Variants in DTX1 observed in about 807,000 individuals in gnomAD.
DTX1 encodes deltex E3 ubiquitin ligase 1.
DTX1 carries 26 observed loss-of-function variants against 57.8 expected under a neutral mutation model. The observed-to-expected ratio is 0.45, with a 90% CI of 0.33 to 0.62. DTX1 has a LOEUF of 0.62. Ranked by LOEUF, DTX1 falls within the 20% of genes least tolerant of loss-of-function variation. The pLI is 0.02. For synonymous variants in DTX1, 398 were observed against 394.1 expected (o/e 1.01, Z -0.12); for missense variants, 704 against 895.3 (o/e 0.79, Z 2.73).
At chr12:113,089,168 G>T (rs1256623374) in intron 3 of DTX1, among the ~76,000 whole-genome samples, 2 of 152,184 alleles carry the variant, frequency 1.3e-5, no homozygotes, top group Non-Finnish European at 2.9e-5. Context: ...TGGGGTGGGA[G>T]TGTGCCTGGC....
rs1251293044 is a variant in DTX1 at position 113,093,577 on chromosome 12, G to C, written c.1042G>C (p.Val348Leu). Reference protein sequence around the residue: ...GILLCAAGLPVCLTRAPKPIL... With the variant: ...GILLCAAGLPLCLTRAPKPIL... ...ACTGCTGTGCGCGGCCGGGCTGCCCGTGTGCCTGACGCGGGCCCCCAAGCC... is the reference window on the plus strand; with the variant it reads ...ACTGCTGTGCGCGGCCGGGCTGCCCCTGTGCCTGACGCGGGCCCCCAAGCC... The change falls in exon 5 of 10, where the codon GTG becomes CTG. Residue 348 changes from valine to leucine, a missense_variant. Val to Leu is a conservative substitution (Grantham distance 32, BLOSUM62 1). This residue lies in a region of DTX1 where 299 missense variants were observed against 311.2 expected (regional missense o/e 0.96). Coordinates refer to ENST00000548759, the MANE Select transcript of DTX1 (RefSeq NM_004416.3). The surrounding 1 kb of genome is among the most constrained non-coding windows in gnomAD (Gnocchi z 4.2). 1.9e-6 allele frequency: 3 copies of C among 1,610,818 alleles called. No individual in the cohort carries two copies. Among genetic ancestry groups the C allele is most frequent in the Admixed American group, 3.3e-5 (2 of 59,798 alleles).
chr12:113,077,979 C>T lies in DTX1; in HGVS notation c.815C>T (p.Pro272Leu), dbSNP rs2044785797. 2 of 1,031,732 alleles carry T rather than the reference C, an allele frequency of 1.9e-6. No homozygotes were observed. The highest frequency in any genetic ancestry group is 1.7e-5 in the African/African-American group (1 of 57,782). 63.9% of individuals were successfully genotyped at this position (1,031,732 alleles called of 1,614,324 possible). ...PAAGPAEPAP[P>L]PGAPPRSPGA... ...GCCGGCCCCGCCGAGCCCGCGCCGC[C>T]TCCCGGGGCGCCCCCACGGAGCCCG... is the stretch of plus-strand genomic sequence containing the variant. The change falls in exon 3 of 10, where the codon CCT becomes CTT. Residue 272 changes from proline (P) to leucine (L), a missense_variant. Transcript: ENST00000548759. The surrounding 1 kb of genome is among the most constrained non-coding windows in gnomAD (Gnocchi z 7.8).
Position 113,077,182 on chromosome 12 carries a change from C to G in DTX1, c.260-242C>G, listed in dbSNP as rs994592933. 2.0e-5 allele frequency among the ~76,000 whole-genome samples: 3 copies of G among 152,146 alleles called. No individual in the cohort carries two copies. Among genetic ancestry groups the G allele is most frequent in the African/African-American group, 7.2e-5 (3 of 41,418 alleles). On this transcript the variant is annotated intron_variant, in intron 2 of 9. Coordinates refer to ENST00000548759, the MANE Select transcript of DTX1 (RefSeq NM_004416.3). The surrounding 1 kb of genome is among the most constrained non-coding windows in gnomAD (Gnocchi z 7.8). ...CTATGCGCTGAACCTTTAGCCCCGG[C>G]CCCCCTCACCCTGGCTGCCGCCTGT...
At position 113,057,817 on chromosome 12, in the gene DTX1, G is replaced by A. The variant is rs1171371777; in HGVS notation, c.-376G>A. On this transcript the variant is annotated 5_prime_UTR_variant, in exon 2 of 10. Coordinates refer to ENST00000548759, the MANE Select transcript of DTX1 (RefSeq NM_004416.3). Reference sequence around the variant, plus strand: ...CTGGGTGACAGGCCCTGTCTGGCGGGGAAGAGGGACCAAGAGACAACACGG... The same window carrying A: ...CTGGGTGACAGGCCCTGTCTGGCGGAGAAGAGGGACCAAGAGACAACACGG... The A allele has an allele frequency of 1.1e-4, 23 of 212,452 alleles. No individual in the cohort carries two copies. The highest frequency in any genetic ancestry group is 1.9e-4 in the Non-Finnish European group (20 of 105,782). 13.2% of individuals were successfully genotyped at this position (212,452 alleles called of 1,614,324 possible). A position where few individuals can be genotyped will look rare whatever the true frequency, so the allele number is the denominator to read the frequency against.
chr12:113,094,119 G>T lies in DTX1; in HGVS notation c.1227+20G>T. The T allele has an allele frequency of 6.8e-7, 1 of 1,460,232 alleles. No individual in the cohort carries two copies. The highest frequency in any genetic ancestry group is 2.0e-5 in the Admixed American group (1 of 49,978). The allele number at this position is 1,460,232 out of a possible 1,614,324, so 90.5% of individuals were successfully genotyped here. ...GATGAGGTGAGGAGGGGATGGGGGGGCTGGGGGAGGGCCCTGGCATGGAGG... is the reference window on the plus strand; with the variant it reads ...GATGAGGTGAGGAGGGGATGGGGGGTCTGGGGGAGGGCCCTGGCATGGAGG... On this transcript the variant is annotated intron_variant, in intron 6 of 9. Coordinates refer to ENST00000548759, the MANE Select transcript of DTX1 (RefSeq NM_004416.3).
intron 2 of DTX1, among the ~76,000 whole-genome samples, chr12:113,070,032 T>A (rs1355356839): frequency 6.6e-6 from 1 of 152,050 alleles, no homozygotes; most frequent in East Asian, 1.9e-4. Context: ...GAACAGCAAA[T>A]GAAGCAAGGT....
chr12:113,089,410 T>G (rs971005600), intron 3 of DTX1, among the ~76,000 whole-genome samples: 1 of 152,088 alleles, frequency 6.6e-6, no homozygotes, highest in Non-Finnish European at 1.5e-5. Flanking sequence ...GCCTGCCTTC[T>G]GGTCAGAGTA....
Position 113,093,672 on chromosome 12 carries a change from C to CA in DTX1, c.1139dup (p.Thr381AspfsTer7). The CA allele has an allele frequency of 6.2e-7, 1 of 1,613,776 alleles. No homozygotes were observed. Among genetic ancestry groups the CA allele is most frequent in the Non-Finnish European group, 8.5e-7 (1 of 1,179,946 alleles). On this transcript the variant is annotated frameshift_variant, in exon 5 of 10. Transcript: ENST00000548759. LOFTEE classifies it high-confidence loss of function. The surrounding 1 kb of genome is among the most constrained non-coding windows in gnomAD (Gnocchi z 4.2). Reference sequence around the variant, plus strand: ...TGCCTGGCGTGCCCGGGGTGTGCCGCAAGACCAAGAAGAAGCACCTTAAAA... The same window carrying CA: ...TGCCTGGCGTGCCCGGGGTGTGCCGCAAAGACCAAGAAGAAGCACCTTAAAA...
chr12:113,078,592 G>A (rs533581450), intron 3 of DTX1, among the ~76,000 whole-genome samples: 2 of 152,320 alleles, frequency 1.3e-5, no homozygotes, highest in African/African-American at 4.8e-5. Context: ...GCATATTACA[G>A]ATGGGGAAGC....
intron 2 of DTX1, among the ~76,000 whole-genome samples, chr12:113,060,805 T>C (rs777921102): frequency 6.6e-6 from 1 of 152,154 alleles, no homozygotes; most frequent in Non-Finnish European, 1.5e-5. Context: ...GGCAGGGCTG[T>C]GAGAGCAGAA....
intron 2 of DTX1, among the ~76,000 whole-genome samples, chr12:113,061,039 C>G (rs1156536463): frequency 1.3e-5 from 2 of 152,164 alleles, no homozygotes; most frequent in African/African-American, 4.8e-5. Flanking sequence ...CCTTATGTTC[C>G]CGAGTCCCCA....
chr12:113,062,449 T>C (rs950625222), intron 2 of DTX1, among the ~76,000 whole-genome samples: 3 of 152,258 alleles, frequency 2.0e-5, no homozygotes, highest in Non-Finnish European at 4.4e-5. Context: ...TTCTTTTTTT[T>C]CCCCCAACCA....
At position 113,093,844 on chromosome 12, in the gene DTX1, A is replaced by G. The variant is rs533560375; in HGVS notation, c.1165+144A>G. 2.1e-6 allele frequency: 3 copies of G among 1,427,250 alleles called. No individual in the cohort carries two copies. Among genetic ancestry groups the G allele is most frequent in the East Asian group, 2.5e-5 (1 of 40,130 alleles). 88.4% of individuals were successfully genotyped at this position (1,427,250 alleles called of 1,614,324 possible). On this transcript the variant is annotated intron_variant, in intron 5 of 9. Transcript: ENST00000548759. This position sits in a 1 kb window ranked among gnomAD's most constrained non-coding sequence, Gnocchi z 4.2. ...TCTCAGCTCCCCTTGCCCTGGCCCC[A>G]TCTTTCACCAGCTCCTGTTACAGCT...
Position 113,058,429 on chromosome 12 carries a change from G to A in DTX1, c.237G>A (p.Met79Ile). The A allele has an allele frequency of 6.2e-7, 1 of 1,604,116 alleles. No individual in the cohort carries two copies. The highest frequency in any genetic ancestry group is 8.5e-7 in the Non-Finnish European group (1 of 1,179,544). The change falls in exon 2 of 10, where the codon ATG becomes ATA. Residue 79 changes from methionine to isoleucine, a missense_variant. Physicochemically the swap from Met to Ile is conservative, Grantham distance 10. This residue lies in a region of DTX1 where 237 missense variants were observed against 328.6 expected (regional missense o/e 0.72). Transcript: ENST00000548759. ...CCTACATCATCGACCTGCAGTCCAT[G>A]CACCAGTTTCGCCAGGACACAGGTG... is the stretch of plus-strand genomic sequence containing the variant. ...LVPYIIDLQS[M>I]HQFRQDTGTM...
intron 2 of DTX1, among the ~76,000 whole-genome samples, chr12:113,063,341 C>CT (rs1391726325): frequency 6.6e-6 from 1 of 152,220 alleles, no homozygotes; most frequent in Non-Finnish European, 1.5e-5. Flanking sequence ...TTTACATCCC[C>CT]TGCCACTGGG....
chr12:113,067,369 C>T (rs1284870), intron 2 of DTX1, among the ~76,000 whole-genome samples: 38,080 of 152,066 alleles, frequency 0.25, 6,050 homozygotes, highest in Non-Finnish European at 0.33. Flanking sequence ...TGTTACTCAC[C>T]TGGCCCTGTG....
chr12:113,083,732 G>C (rs1185371457), intron 3 of DTX1, among the ~76,000 whole-genome samples: 1 of 152,154 alleles, frequency 6.6e-6, no homozygotes, highest in Non-Finnish European at 1.5e-5. Context: ...TTGTAGCTCT[G>C]TGTCTCTCTC....
Position 113,077,181 on chromosome 12 carries a change from GC to G in DTX1, c.260-237del, listed in dbSNP as rs1566016665. On this transcript the variant is annotated intron_variant, in intron 2 of 9. Coordinates refer to ENST00000548759, the MANE Select transcript of DTX1 (RefSeq NM_004416.3). The surrounding 1 kb of genome is among the most constrained non-coding windows in gnomAD (Gnocchi z 7.8). Reference sequence around the variant, plus strand: ...GCTATGCGCTGAACCTTTAGCCCCGGCCCCCCTCACCCTGGCTGCCGCCTGT... The same window carrying G: ...GCTATGCGCTGAACCTTTAGCCCCGGCCCCCTCACCCTGGCTGCCGCCTGT... Among the ~76,000 whole-genome samples, 2 of 152,008 alleles carry G rather than the reference GC, an allele frequency of 1.3e-5. No individual in the cohort carries two copies. Among genetic ancestry groups the G allele is most frequent in the South Asian group, 4.2e-4 (2 of 4,810 alleles).
rs1247083344 is a variant in DTX1 at position 113,077,917 on chromosome 12, C to T, written c.753C>T (p.Ala251=). ...PPGALAVRPS[A]TFTGAALWAA... ...GCGCGCTTGCCGTGCGCCCCAGCGC[C>T]ACCTTCACAGGCGCCGCGCTCTGGG... Residue 251 remains alanine (A), a synonymous_variant, in exon 3 of 10, where the codon GCC becomes GCT. Coordinates refer to ENST00000548759, the MANE Select transcript of DTX1 (RefSeq NM_004416.3). The surrounding 1 kb of genome is among the most constrained non-coding windows in gnomAD (Gnocchi z 7.8). 7 of 1,191,252 alleles carry T rather than the reference C, an allele frequency of 5.9e-6. No individual in the cohort carries two copies. In the African/African-American group the frequency reaches 1.1e-4, roughly 19 times the overall value. 73.8% of individuals were successfully genotyped at this position (1,191,252 alleles called of 1,614,324 possible).
Sources: gnomAD v4.1 joint callset for allele counts (sites outside exome capture counted in the v4.1 genomes callset) on GRCh38, gnomAD v4.1.1 for gene constraint, gnomAD v4.1.1 regional missense constraint, Gnocchi (gnomAD v3.1) non-coding constraint, MANE v1.5 for transcripts, NCBI Gene and HGNC (gene_info 2026-07-23, HGNC 2026-07-21) for gene names.